The following CEP290 variants were observed in gnomAD, a reference collection of about 807,000 sequenced individuals.
CEP290 encodes the protein centrosomal protein 290.
In CEP290, 317 loss-of-function variants were observed where a neutral mutation model predicts 344.9. That is an observed-to-expected ratio of 0.92 (90% confidence interval 0.84 to 1.01). The LOEUF (loss-of-function observed/expected upper bound fraction) is 1.01, where lower values mean the gene tolerates loss of function less well. Ranked by LOEUF, CEP290 falls within the 50% of genes least tolerant of loss-of-function variation. The pLI is 0.00. For missense variants in CEP290, 2,754 were observed against 2,761.4 expected (o/e 1.00, Z 0.06); for synonymous variants, 932 against 895.8 (o/e 1.04, Z -0.72).
At chr12:88,084,363 A>G (rs76046058) in intron 35 of CEP290, among the ~76,000 whole-genome samples, 2 of 152,170 alleles carry the variant, frequency 1.3e-5, no homozygotes, top group Non-Finnish European at 2.9e-5. Context: ...TGATTTCACC[A>G]TGATAGCTAC....
intron 13 of CEP290, 84 bp from the exon 14 acceptor site, chr12:88,121,250 TGG>T: frequency 7.4e-6 from 7 of 948,668 alleles, no homozygotes; most frequent in Non-Finnish European, 1.1e-5. Context: ...GCAAGAAAAG[TGG>T]TATGCCATTA....
chr12:88,063,574 A>G (rs1487280489), intron 45 of CEP290, among the ~76,000 whole-genome samples: 3 of 151,888 alleles, frequency 2.0e-5, no homozygotes, highest in East Asian at 3.9e-4. Context: ...CTCTGTTCAT[A>G]TATCATCTTA....
At chr12:88,137,072 T>C (rs558117084) in intron 5 of CEP290, among the ~76,000 whole-genome samples, 1 of 152,202 alleles carries the variant, frequency 6.6e-6, no homozygotes, top group Admixed American at 6.5e-5. Flanking sequence ...CAGACTAAAC[T>C]GCAAAGGTTC....
At chr12:88,098,438 C>T (rs1303176179) in intron 26 of CEP290, among the ~76,000 whole-genome samples, 4 of 151,604 alleles carry the variant, frequency 2.6e-5, no homozygotes, top group Non-Finnish European at 5.9e-5. Context: ...AGTGAGACCT[C>T]ATCTCTACAA....
intron 45 of CEP290, among the ~76,000 whole-genome samples, chr12:88,063,596 C>T (rs1282752114): frequency 6.6e-6 from 1 of 151,928 alleles, no homozygotes; most frequent in Non-Finnish European, 1.5e-5. Context: ...TAAGGAAGAC[C>T]TCCCTTACTA....
intron 44 of CEP290, among the ~76,000 whole-genome samples, chr12:88,067,499 T>TAA (rs146115788): frequency 0.032 from 4,874 of 152,262 alleles, 126 homozygotes; most frequent in East Asian, 0.087. Context: ...CTCAGCTCAC[T>TAA]AAGCCACGGC....
intron 18 of CEP290, chr12:88,115,496 G>C: frequency 7.7e-7 from 1 of 1,300,238 alleles, no homozygotes; most frequent in Non-Finnish European, 1.0e-6. Flanking sequence ...CCTGGCTTCT[G>C]TGATGTTCAA....
At chr12:88,055,485 G>C in intron 50 of CEP290, 91 bp downstream of exon 50, 1 of 1,158,902 alleles carries the variant, frequency 8.6e-7, no homozygotes, top group Non-Finnish European at 1.2e-6. Context: ...CTTCTTAATA[G>C]AGTCCATTTT....
At chr12:88,113,752 A>G (rs2038856905) in intron 20 of CEP290, among the ~76,000 whole-genome samples, 1 of 151,982 alleles carries the variant, frequency 6.6e-6, no homozygotes, top group African/African-American at 2.4e-5. Context: ...TATATATAGA[A>G]TATTAGTGAT....
At position 88,089,487 on chromosome 12, in the gene CEP290, C is replaced by T; in HGVS notation, c.3574G>A (p.Ala1192Thr). ...ATGAGCGACTTTTCATCAGACTGTG[C>T]CTGATATTAAAAAAAATATATATTT... ...SLRMQLLDYQ[A>T]QSDEKSLIAK... The change falls in exon 31 of 54, where the codon GCA becomes ACA. Residue 1192 changes from alanine to threonine, a missense_variant and splice_region_variant. Coordinates refer to ENST00000552810, the MANE Select transcript of CEP290 (RefSeq NM_025114.4). 7.4e-7 allele frequency: 1 copy of T among 1,346,888 alleles called. No individual in the cohort carries two copies. Among genetic ancestry groups the T allele is most frequent in the Non-Finnish European group, 9.6e-7 (1 of 1,045,826 alleles). The allele number at this position is 1,346,888 out of a possible 1,614,324, so 83.4% of individuals were successfully genotyped here. A position where few individuals can be genotyped will look rare whatever the true frequency, so the allele number is the denominator to read the frequency against.
intron 40 of CEP290, 79 bp from the exon 41 acceptor site, chr12:88,077,423 T>C (rs2035861490): frequency 4.1e-6 from 4 of 965,000 alleles, no homozygotes; most frequent in Non-Finnish European, 5.9e-6. Context: ...AATTATATAA[T>C]AGCAACTTTC....
intron 34 of CEP290, among the ~76,000 whole-genome samples, chr12:88,085,268 G>T (rs1300379598): frequency 6.6e-6 from 1 of 151,866 alleles, no homozygotes; most frequent in African/African-American, 2.4e-5. Context: ...AATTTTAGAG[G>T]CCCAACTCAA....
Position 88,049,080 on chromosome 12 carries a change from TAGTG to T in CEP290, c.*100_*103del. ...CCAATCTAAGTATAAAGGTACAAGG[TAGTG>T]AGAAGGAAATACTACAGTTCGGAGA... On this transcript the variant is annotated 3_prime_UTR_variant, in exon 54 of 54. Coordinates refer to ENST00000552810, the MANE Select transcript of CEP290 (RefSeq NM_025114.4). 1.7e-6 allele frequency: 1 copy of T among 605,622 alleles called. No individual in the cohort carries two copies. 37.5% of individuals were successfully genotyped at this position (605,622 alleles called of 1,614,324 possible).
Position 88,141,122 on chromosome 12 carries a change from C to T in CEP290, c.102+84G>A, listed in dbSNP as rs1036596666. On this transcript the variant is annotated intron_variant, in intron 2 of 53. Transcript: ENST00000552810. Reference sequence around the variant, plus strand: ...TCCAGATTGTGACAATTATAGTTGTCCCTGAAAAAAATAAATTCATATTTT... The same window carrying T: ...TCCAGATTGTGACAATTATAGTTGTTCCTGAAAAAAATAAATTCATATTTT... The T allele has an allele frequency of 9.3e-6, 12 of 1,296,826 alleles. No individual in the cohort carries two copies. In the African/African-American group the frequency reaches 1.4e-4, roughly 15 times the overall value. 80.3% of individuals were successfully genotyped at this position (1,296,826 alleles called of 1,614,324 possible).
At chr12:88,085,951 G>A (rs1303465464) in intron 34 of CEP290, 88 bp downstream of exon 34, 1 of 1,179,056 alleles carries the variant, frequency 8.5e-7, no homozygotes, top group Non-Finnish European at 1.2e-6. Context: ...ATCATTCTAT[G>A]CATTGCCCTC....
intron 47 of CEP290, among the ~76,000 whole-genome samples, chr12:88,060,484 C>T (rs927728713): frequency 3.8e-4 from 58 of 151,924 alleles, no homozygotes; most frequent in African/African-American, 1.4e-3. Flanking sequence ...GGCATGAACC[C>T]GGGAGGCAGA....
chr12:88,117,125 T>C lies in CEP290; in HGVS notation c.1732A>G (p.Asn578Asp). The change falls in exon 18 of 54, where the codon AAC (asparagine) becomes GAC (aspartate). Residue 578 changes from asparagine (N) to aspartate (D), a missense_variant. Coordinates refer to ENST00000552810, the MANE Select transcript of CEP290 (RefSeq NM_025114.4). The stretch of plus-strand genomic sequence containing the variant: ...CCTTGAGAAATGTTTTCAGTTAGGT[T>C]CAGGTCCTCAGTGGTTAATCCTATA... ...ATSGLTTEDLNLTENISQGDR... is the reference protein window; with the variant it reads ...ATSGLTTEDLDLTENISQGDR... The C allele has an allele frequency of 6.5e-7, 1 of 1,549,414 alleles. No individual in the cohort carries two copies.
At chr12:88,107,133 A>G in intron 23 of CEP290, 35 bp from the exon 24 acceptor site, 2 of 1,232,310 alleles carry the variant, frequency 1.6e-6, no homozygotes, top group South Asian at 3.0e-5. Context: ...ACAATACTGT[A>G]AACCTAATAA....
rs1311709485 is a variant in CEP290 at position 88,136,713 on chromosome 12, A to T, written c.371T>A (p.Leu124Ter). 6.2e-7 allele frequency: 1 copy of T among 1,613,500 alleles called. No homozygotes were observed. Among genetic ancestry groups the T allele is most frequent in the Non-Finnish European group, 8.5e-7 (1 of 1,179,632 alleles). The stretch of plus-strand genomic sequence containing the variant: ...CTCCAATTCTCTATCTTTTTGTTCT[A>T]ATTGTTTTTCAAGTTGGCAAATTTC... ...RNEICQLEKQ[L>*]EQKDRELEDM... is the part of the protein sequence containing the mutation. Residue 124 changes from leucine (L) to a stop codon, truncating the protein, a stop_gained, in exon 6 of 54, where the codon TTA becomes TAA. Coordinates refer to ENST00000552810, the MANE Select transcript of CEP290 (RefSeq NM_025114.4). LOFTEE classifies it high-confidence loss of function.
Sources: gnomAD v4.1 joint callset for allele counts (sites outside exome capture counted in the v4.1 genomes callset) on GRCh38, gnomAD v4.1.1 for gene constraint, MANE v1.5 for transcripts, NCBI Gene and HGNC (gene_info 2026-07-23, HGNC 2026-07-21) for gene names.